PRPF18: variants seen among roughly 807,000 people sequenced by gnomAD.
PRPF18 encodes pre-mRNA-splicing factor 18.
In PRPF18, 38 loss-of-function variants were observed where a neutral mutation model predicts 46.5. The ratio of observed to expected loss-of-function variants is 0.82; its 90% CI spans 0.63 to 1.07. The LOEUF (loss-of-function observed/expected upper bound fraction) is 1.07. Among genes scored for constraint, PRPF18 ranks in the 50% least tolerant of loss-of-function variants. The pLI is 0.00. For synonymous variants in PRPF18, 152 were observed against 146.7 expected (o/e 1.04, Z -0.26); for missense variants, 263 against 410.0 (o/e 0.64, Z 3.10).
At chr10:13,644,482 CATG>C in the PRPF18 span, 2 of 152,228 alleles carry the variant, frequency 1.3e-5, no homozygotes, top group African/African-American at 2.4e-5. Context: ...ACCAGACTAT[CATG>C]ATGTTTGTTG....
At chr10:13,593,367 G>A (rs915973176) in intron 1 of PRPF18, among the ~76,000 whole-genome samples, 3 of 152,182 alleles carry the variant, frequency 2.0e-5, no homozygotes, top group Non-Finnish European at 2.9e-5. Flanking sequence ...ATCGAAGACT[G>A]GATGAGATCA....
At chr10:13,622,668 A>C (rs1302500431) in intron 9 of PRPF18, among the ~76,000 whole-genome samples, 1 of 152,190 alleles carries the variant, frequency 6.6e-6, no homozygotes, top group East Asian at 1.9e-4. Flanking sequence ...TCTTACCATA[A>C]ACTATGCAGG....
chr10:13,597,344 A>T (rs554855303), intron 1 of PRPF18, 114 bp from the exon 2 acceptor site: 1 of 696,694 alleles, frequency 1.4e-6, no homozygotes, highest in South Asian at 2.2e-5. Flanking sequence ...TATTTTATCC[A>T]ATTCTTGAAA....
the PRPF18 span, chr10:13,654,832 G>A: frequency 2.3e-5 from 9 of 398,146 alleles, no homozygotes; most frequent in African/African-American, 4.1e-5. Flanking sequence ...GGATGGTGAC[G>A]GTTTCTACAG....
intron 6 of PRPF18, among the ~76,000 whole-genome samples, 195 bp downstream of exon 6, chr10:13,611,878 T>G (rs984578314): frequency 6.6e-6 from 1 of 151,240 alleles, no homozygotes; most frequent in African/African-American, 2.4e-5. Flanking sequence ...ACTTTTCTTG[T>G]GGCTTTTTTT....
the PRPF18 span, chr10:13,646,950 G>C: frequency 1.0e-6 from 1 of 979,354 alleles, no homozygotes; most frequent in African/African-American, 1.7e-5. Context: ...AGGGTCCCGG[G>C]CTTGGCTTTT....
At chr10:13,650,772 A>AC in the PRPF18 span, among the ~76,000 whole-genome samples, 1 of 151,828 alleles carries the variant, frequency 6.6e-6, no homozygotes, top group Non-Finnish European at 1.5e-5. Context: ...ACTGTTAACC[A>AC]CCCCTCACCC....
chr10:13,591,734 TG>T, intron 1 of PRPF18: 1 of 1,111,340 alleles, frequency 9.0e-7, no homozygotes, highest in Non-Finnish European at 1.3e-6. Context: ...TTGGTTGAGG[TG>T]GCAATGACAG....
rs1401465777 is a variant in PRPF18, at chr10:13,614,145, T to C, written c.792+59T>C. 3.9e-5 allele frequency: 50 copies of C among 1,270,824 alleles called. No individual in the cohort carries two copies. In the East Asian group the frequency reaches 1.2e-3, roughly 31 times the overall value. The allele number at this position is 1,270,824 out of a possible 1,614,324, so 78.7% of individuals were successfully genotyped here. A position where few individuals can be genotyped will look rare whatever the true frequency, so the allele number is the denominator to read the frequency against. On this transcript the variant is annotated intron_variant, in intron 8 of 9. Coordinates refer to ENST00000378572, the MANE Select transcript of PRPF18 (RefSeq NM_003675.4). ...GAGTATATCTAGGTTATGTACGTAA[T>C]ATAATGTTCATTTGGGATAGGAGGA...
the PRPF18 span, among the ~76,000 whole-genome samples, chr10:13,636,749 T>C: frequency 6.6e-6 from 1 of 152,214 alleles, no homozygotes; most frequent in Admixed American, 6.5e-5. Flanking sequence ...TGTCCTCTTC[T>C]AGTCATAGCC....
chr10:13,641,945 T>C, the PRPF18 span: 1 of 152,232 alleles, frequency 6.6e-6, no homozygotes, highest in Non-Finnish European at 1.5e-5. Context: ...GGGTTTCTGA[T>C]TTAAAAAATC....
At chr10:13,632,295 C>A (rs1024275992), downstream of PRPF18, among the ~76,000 whole-genome samples, 5 of 151,968 alleles carry the variant, frequency 3.3e-5, no homozygotes, top group Non-Finnish European at 5.9e-5. Context: ...GAGCCGAGAT[C>A]GTGCCACTGC....
At chr10:13,614,855 C>T (rs963722425) in intron 8 of PRPF18, among the ~76,000 whole-genome samples, 3 of 152,168 alleles carry the variant, frequency 2.0e-5, no homozygotes, top group African/African-American at 7.2e-5. Flanking sequence ...GGCCGTGCCT[C>T]CCAAGGCACT....
chr10:13,598,767 C>CT (rs2080067965), intron 2 of PRPF18, among the ~76,000 whole-genome samples: 1 of 152,176 alleles, frequency 6.6e-6, no homozygotes, highest in Non-Finnish European at 1.5e-5. Flanking sequence ...CCAGTGTTGT[C>CT]TAACACACAC....
At chr10:13,651,787 T>G in the PRPF18 span, 12,262 of 684,380 alleles carry the variant, frequency 0.018, 436 homozygotes, top group African/African-American at 0.099. Context: ...TATCTAGAAA[T>G]AAGGCATAAA....
intron 4 of PRPF18, among the ~76,000 whole-genome samples, chr10:13,608,747 C>G (rs954599870): frequency 4.6e-5 from 7 of 152,288 alleles, no homozygotes; most frequent in Non-Finnish European, 1.0e-4. Context: ...TCCTGGTGGG[C>G]AAAGGCTGTT....
At chr10:13,650,454 C>A in the PRPF18 span, among the ~76,000 whole-genome samples, 15 of 152,200 alleles carry the variant, frequency 9.9e-5, no homozygotes, top group Middle Eastern at 3.2e-3. Flanking sequence ...GTAGGTATTT[C>A]AAGCAGTGCC....
intron 1 of PRPF18, among the ~76,000 whole-genome samples, chr10:13,593,661 A>T (rs541938666): frequency 6.6e-6 from 1 of 152,326 alleles, no homozygotes; most frequent in Admixed American, 6.5e-5. Flanking sequence ...GAAGTCCCTG[A>T]GGAATTGAGG....
chr10:13,596,537 G>A (rs969909399), intron 1 of PRPF18, among the ~76,000 whole-genome samples: 48 of 152,142 alleles, frequency 3.2e-4, no homozygotes, highest in South Asian at 2.1e-4. Flanking sequence ...TATCATTACT[G>A]TTAATACAGT....
Sources: gnomAD v4.1 joint callset for allele counts (sites outside exome capture counted in the v4.1 genomes callset) on GRCh38, gnomAD v4.1.1 for gene constraint, MANE v1.5 for transcripts, NCBI Gene and HGNC (gene_info 2026-07-23, HGNC 2026-07-21) for gene names.